The following ROCK1 variants were observed in gnomAD, a reference collection of about 807,000 sequenced individuals.
The protein encoded by ROCK1 is rho-associated protein kinase 1.
In ROCK1, 36 loss-of-function variants were observed where a neutral mutation model predicts 196.8. The observed-to-expected ratio is 0.18, with a 90% CI of 0.14 to 0.24. The LOEUF is 0.24. ROCK1 is among the 10% of genes least tolerant of loss of function. The pLI, the probability that ROCK1 is intolerant of heterozygous loss-of-function variation, is 1.00. For missense variants in ROCK1, 920 were observed against 1,562.0 expected (o/e 0.59, Z 6.93); for synonymous variants, 443 against 515.9 (o/e 0.86, Z 1.91).
chr18:21,106,183 G>A (rs1231045771), intron 1 of ROCK1, among the ~76,000 whole-genome samples: 1 of 152,174 alleles, frequency 6.6e-6, no homozygotes, highest in African/African-American at 2.4e-5. Flanking sequence ...AAGTGGAAAG[G>A]TCATGTTCTT....
At chr18:21,057,695 C>A (rs1056625262) in intron 2 of ROCK1, among the ~76,000 whole-genome samples, 1 of 152,042 alleles carries the variant, frequency 6.6e-6, no homozygotes, top group Admixed American at 6.5e-5. Flanking sequence ...GTGGTGGGCG[C>A]CTGTAATCCC....
chr18:21,070,715 A>G, intron 1 of ROCK1, 102 bp from the exon 2 acceptor site: 3 of 689,580 alleles, frequency 4.4e-6, no homozygotes, highest in Non-Finnish European at 6.9e-6. Flanking sequence ...AATTTCCCCT[A>G]ACACATCTTG....
intron 16 of ROCK1, among the ~76,000 whole-genome samples, chr18:20,998,777 T>C (rs2035695621): frequency 1.3e-5 from 2 of 151,936 alleles, no homozygotes; most frequent in Admixed American, 1.3e-4. Context: ...GCTAATTTTG[T>C]ATTTTTAGTA....
At chr18:20,984,817 T>A (rs1160966898) in intron 19 of ROCK1, among the ~76,000 whole-genome samples, 1 of 152,126 alleles carries the variant, frequency 6.6e-6, no homozygotes, top group East Asian at 1.9e-4. Flanking sequence ...AAGGTGATTA[T>A]AAAACTCACT....
chr18:20,973,126 G>A (rs189433017), intron 22 of ROCK1, among the ~76,000 whole-genome samples: 46 of 152,186 alleles, frequency 3.0e-4, no homozygotes, highest in East Asian at 7.8e-4. Flanking sequence ...GAATCCACCC[G>A]CCTTGGCCTC....
rs767083426 is a variant in ROCK1, at chr18:21,042,134, C to T, written c.922G>A (p.Glu308Lys). ...TFPDDNDISK[E>K]AKNLICAFLT... ...AAGGCACAAATAAGGTTTTTTGCTT[C>T]TTTTGATATGTCATTATCATCAGGA... The change falls in exon 8 of 33, where the codon GAA (glutamate) becomes AAA (lysine). Residue 308 changes from glutamate (E) to lysine (K), a missense_variant. Transcript: ENST00000399799. 1.2e-6 allele frequency: 2 copies of T among 1,602,590 alleles called. No individual in the cohort carries two copies. The highest frequency in any genetic ancestry group is 1.3e-5 in the African/African-American group (1 of 74,170).
At chr18:21,094,623 C>A (rs777254242) in intron 1 of ROCK1, among the ~76,000 whole-genome samples, 1 of 150,948 alleles carries the variant, frequency 6.6e-6, no homozygotes. Flanking sequence ...GTGGCACGCA[C>A]CTGTAGTCCC....
chr18:21,078,293 C>G (rs1341892069), intron 1 of ROCK1, among the ~76,000 whole-genome samples: 1 of 151,588 alleles, frequency 6.6e-6, no homozygotes. Context: ...GGCACCACTG[C>G]ACTCCAGCCT....
At chr18:21,028,754 A>G in intron 10 of ROCK1, 22 bp downstream of exon 10, 2 of 1,574,648 alleles carry the variant, frequency 1.3e-6, no homozygotes, top group Non-Finnish European at 1.7e-6. Flanking sequence ...TTACTCCTAT[A>G]ATCACTGTTT....
At chr18:20,995,025 C>T (rs1198306729) in intron 16 of ROCK1, among the ~76,000 whole-genome samples, 1 of 152,136 alleles carries the variant, frequency 6.6e-6, no homozygotes, top group Non-Finnish European at 1.5e-5. Context: ...AAACTAGATA[C>T]ACTGGACTAC....
At chr18:20,970,553 C>A in intron 22 of ROCK1, 40 bp from the exon 23 acceptor site, 1 of 1,399,004 alleles carries the variant, frequency 7.1e-7, no homozygotes, top group Non-Finnish European at 9.9e-7. Context: ...TAAACAAATT[C>A]AGTTCATCCT....
In ROCK1 at chr18:20,950,688, C is replaced by A. The variant is rs2035177721; in HGVS notation, c.*696G>T. 1 of 152,370 alleles carries A rather than the reference C, an allele frequency of 6.6e-6. No homozygotes were observed. The highest frequency in any genetic ancestry group is 6.6e-5 in the Admixed American group (1 of 15,242). The allele number at this position is 152,370 out of a possible 1,614,324, so 9.4% of individuals were successfully genotyped here. On this transcript the variant is annotated 3_prime_UTR_variant, in exon 33 of 33. Coordinates refer to ENST00000399799, the MANE Select transcript of ROCK1 (RefSeq NM_005406.3). ...AGTAAAATAACTCAATATGGCTTGGCAAAAATGCATAGATTAAATGTAACT... is the reference window on the plus strand; with the variant it reads ...AGTAAAATAACTCAATATGGCTTGGAAAAAATGCATAGATTAAATGTAACT...
chr18:21,081,145 A>G (rs1313840024), intron 1 of ROCK1, among the ~76,000 whole-genome samples: 1 of 152,198 alleles, frequency 6.6e-6, no homozygotes, highest in African/African-American at 2.4e-5. Flanking sequence ...ATAACTTTTA[A>G]AAGACCAAAA....
chr18:21,006,670 T>A (rs373479177), intron 15 of ROCK1, 29 bp downstream of exon 15: 7 of 1,581,678 alleles, frequency 4.4e-6, no homozygotes, highest in Middle Eastern at 1.7e-4. Context: ...ACAATTTTTT[T>A]AAAAAGGAAC....
intron 13 of ROCK1, among the ~76,000 whole-genome samples, chr18:21,012,381 T>C (rs1263400473): frequency 6.6e-6 from 1 of 152,212 alleles, no homozygotes; most frequent in East Asian, 1.9e-4. Flanking sequence ...TCTTTTTCAT[T>C]TGAGAAGGAT....
At chr18:20,969,897 A>C (rs894115604) in intron 23 of ROCK1, 2 of 153,176 alleles carry the variant, frequency 1.3e-5, no homozygotes, top group Admixed American at 6.5e-5. Flanking sequence ...TATAAACCTC[A>C]GGAATAGGTA....
chr18:21,104,709 GA>G (rs2143606771), intron 1 of ROCK1, among the ~76,000 whole-genome samples: 1 of 152,298 alleles, frequency 6.6e-6, no homozygotes, highest in East Asian at 1.9e-4. Flanking sequence ...AACACACACT[GA>G]AAGTATAAAA....
chr18:21,039,583 GA>G lies in ROCK1; in HGVS notation c.960-21del, dbSNP rs2036087415. 6.5e-7 allele frequency: 1 copy of G among 1,526,858 alleles called. No homozygotes were observed. Among genetic ancestry groups the G allele is most frequent in the East Asian group, 2.2e-5 (1 of 44,452 alleles). The allele number at this position is 1,526,858 out of a possible 1,614,324, so 94.6% of individuals were successfully genotyped here. A position where few individuals can be genotyped will look rare whatever the true frequency, so the allele number is the denominator to read the frequency against. On this transcript the variant is annotated intron_variant, in intron 8 of 32. Transcript: ENST00000399799. ...ACTTCCCTGAATAATGACAGAAGGA[GA>G]AAAGTAATCAATCATTTAAGATCTT...
intron 9 of ROCK1, among the ~76,000 whole-genome samples, chr18:21,039,004 G>T (rs2036082498): frequency 6.6e-6 from 1 of 152,112 alleles, no homozygotes; most frequent in African/African-American, 2.4e-5. Context: ...ATGGAATCAA[G>T]TATATCACAA....
Sources: allele counts gnomAD v4.1 joint callset (sites outside exome capture counted in the v4.1 genomes callset), GRCh38; gene constraint gnomAD v4.1.1; transcripts MANE v1.5; gene names NCBI Gene and HGNC (gene_info 2026-07-23, HGNC 2026-07-21).